The following PCDH11X variants were observed in gnomAD, a reference collection of about 807,000 sequenced individuals.
PCDH11X encodes the protein protocadherin 11 X-linked, also known as protocadherin-11 X-linked.
A neutral mutation model predicts 53.3 loss-of-function variants in PCDH11X; 18 were observed. The ratio of observed to expected loss-of-function variants is 0.34; its 90% CI spans 0.23 to 0.50. The LOEUF is 0.50. Ranked by LOEUF, PCDH11X falls within the 20% of genes least tolerant of loss-of-function variation. The pLI is 0.98. For missense variants in PCDH11X, 570 were observed against 1,032.4 expected, an observed-to-expected ratio of 0.55 and a Z score of 6.14; for synonymous variants, 279 against 393.3, an observed-to-expected ratio of 0.71 and a Z score of 3.44.
intron 6 of PCDH11X, among the ~76,000 whole-genome samples, chrX:91,986,529 C>A (rs903846611): frequency 9.2e-6 from 1 of 108,804 alleles, no homozygotes; most frequent in Non-Finnish European, 1.9e-5. Flanking sequence ...GTTAAAGGCC[C>A]AACAGAACTC....
intron 9 of PCDH11X, chrX:92,460,752 G>T: frequency 2.6e-6 from 3 of 1,143,382 alleles, no homozygotes; most frequent in Non-Finnish European, 3.5e-6. Flanking sequence ...GAGTAATGAG[G>T]CCCTGCTGAA....
intron 8 of PCDH11X, among the ~76,000 whole-genome samples, chrX:92,377,414 A>T (rs2070776232): frequency 9.0e-6 from 1 of 111,222 alleles, no homozygotes; most frequent in African/African-American, 3.3e-5. Context: ...TAATTTTAAC[A>T]GTCCTATGAT....
intron 9 of PCDH11X, among the ~76,000 whole-genome samples, chrX:92,412,507 TAGTATA>T (rs2071701693): frequency 2.9e-5 from 1 of 34,575 alleles, no homozygotes; most frequent in Non-Finnish European, 5.3e-5. Flanking sequence ...ATAAAGAAAA[TAGTATA>T]TATATATATA....
At chrX:91,830,349 AGCAAGC>A (rs1271398537) in intron 4 of PCDH11X, among the ~76,000 whole-genome samples, 1 of 111,893 alleles carries the variant, frequency 8.9e-6, no homozygotes, top group Non-Finnish European at 1.9e-5. Context: ...AAGCACAGTA[AGCAAGC>A]TGTTTGTGGA....
At chrX:92,265,406 T>A (rs12011840) in intron 8 of PCDH11X, among the ~76,000 whole-genome samples, 8,759 of 110,152 alleles carry the variant, frequency 0.08, 623 homozygotes, top group East Asian at 0.28. Context: ...AAGGCGAAAA[T>A]CCTGACAAAA....
intron 6 of PCDH11X, among the ~76,000 whole-genome samples, chrX:91,898,677 A>G (rs1003880739): frequency 4.2e-5 from 4 of 96,285 alleles, no homozygotes; most frequent in Non-Finnish European, 6.2e-5. Flanking sequence ...GATGAGTTTT[A>G]ATCTCCTGAC....
intron 4 of PCDH11X, among the ~76,000 whole-genome samples, chrX:91,818,815 G>A (rs1936538282): frequency 9.0e-6 from 1 of 111,363 alleles, no homozygotes; most frequent in African/African-American, 3.3e-5. Context: ...TTAGTATGAT[G>A]GCATTTCAAT....
In PCDH11X at chrX:91,963,672, C is replaced by A. The variant is rs187112935; in HGVS notation, c.3033+84399C>A. On this transcript the variant is annotated intron_variant, in intron 6 of 10. Transcript: ENST00000682573. ...CAGTTATTTTTACAGTAGCACCCCA[C>A]TCCTGGTACCAATTTACTGTATTAG... 4.5e-5 allele frequency among the ~76,000 whole-genome samples: 5 copies of A among 111,469 alleles called. No homozygotes were observed. The East Asian group carries it at 1.1e-3, about 25-fold the overall frequency.
chrX:92,037,172 A>G (rs1214271425), intron 6 of PCDH11X, among the ~76,000 whole-genome samples: 1 of 110,934 alleles, frequency 9.0e-6, no homozygotes, highest in Non-Finnish European at 1.9e-5. Flanking sequence ...TAAGCCTCGC[A>G]TGCATTAGCT....
intron 6 of PCDH11X, among the ~76,000 whole-genome samples, chrX:92,157,253 C>A (rs968250017): frequency 9.0e-6 from 1 of 111,305 alleles, no homozygotes; most frequent in Non-Finnish European, 1.9e-5. Context: ...GAGCTAAAGG[C>A]CCCTGTTCTG....
chrX:92,350,100 A>G (rs1211008702), intron 8 of PCDH11X, among the ~76,000 whole-genome samples: 2 of 110,357 alleles, frequency 1.8e-5, no homozygotes, highest in African/African-American at 6.6e-5. Context: ...TATTTACGCT[A>G]TCTATTTCAC....
intron 6 of PCDH11X, among the ~76,000 whole-genome samples, chrX:92,056,311 G>A (rs1182849653): frequency 2.7e-5 from 3 of 111,477 alleles, no homozygotes; most frequent in Non-Finnish European, 5.7e-5. Flanking sequence ...TTTCATGATG[G>A]TTGGCTGCAT....
At chrX:92,184,892 TAATA>T (rs1452171004) in intron 6 of PCDH11X, among the ~76,000 whole-genome samples, 3 of 109,977 alleles carry the variant, frequency 2.7e-5, no homozygotes, top group South Asian at 7.6e-4. Flanking sequence ...ACAAAAATAA[TAATA>T]AATAAATAAA....
rs2755060 is a variant in PCDH11X at position 92,446,000 on chromosome X, A to G, written c.3344-22299A>G. ...CATGTTAGCAAATGCCTTCAACTTA[A>G]GTGAACTCCTTAATTTAACCTCATA... On this transcript the variant is annotated intron_variant, in intron 9 of 10. Coordinates refer to ENST00000682573, the MANE Select transcript of PCDH11X (RefSeq NM_032968.5). 9.8e-4 allele frequency among the ~76,000 whole-genome samples: 108 copies of G among 110,745 alleles called. 5 individuals carry two copies. The South Asian group carries it at 0.04, about 42-fold the overall frequency.
intron 8 of PCDH11X, among the ~76,000 whole-genome samples, chrX:92,290,989 CCTT>C (rs1220477267): frequency 2.7e-4 from 25 of 91,339 alleles, no homozygotes; most frequent in African/African-American, 9.2e-4. Flanking sequence ...GCAGCACTGA[CCTT>C]CTGGGCTCAA....
At chrX:92,255,473 A>G (rs1208717878) in intron 7 of PCDH11X, among the ~76,000 whole-genome samples, 1 of 108,893 alleles carries the variant, frequency 9.2e-6, no homozygotes, top group African/African-American at 3.4e-5. Context: ...GCTTTGTTCC[A>G]TTGCTGGTGA....
intron 6 of PCDH11X, among the ~76,000 whole-genome samples, chrX:91,997,757 C>A (rs973435330): frequency 1.2e-3 from 137 of 111,143 alleles, no homozygotes; most frequent in Non-Finnish European, 2.4e-3. Flanking sequence ...TCTCTCCTCT[C>A]TTCAGTTTTT....
At chrX:92,076,237 A>AG (rs1408505426) in intron 6 of PCDH11X, among the ~76,000 whole-genome samples, 1 of 108,635 alleles carries the variant, frequency 9.2e-6, no homozygotes, top group East Asian at 2.9e-4. Flanking sequence ...TCTCTAAAAA[A>AG]GGTCTTGCAT....
At chrX:92,569,007 G>A (rs922109986) in intron 10 of PCDH11X, among the ~76,000 whole-genome samples, 2 of 110,884 alleles carry the variant, frequency 1.8e-5, no homozygotes, top group African/African-American at 6.5e-5. Flanking sequence ...ACTTTGCTCG[G>A]GAATCTTCAC....
Sources: allele counts gnomAD v4.1 joint callset (sites outside exome capture counted in the v4.1 genomes callset), GRCh38; gene constraint gnomAD v4.1.1; transcripts MANE v1.5; gene names NCBI Gene and HGNC (gene_info 2026-07-23, HGNC 2026-07-21).